Variants in KCNIP4 observed in about 807,000 individuals in gnomAD.
KCNIP4 encodes the protein potassium voltage-gated channel interacting protein 4, also known as Kv channel-interacting protein 4.
Under a neutral mutation model 34.0 loss-of-function variants are expected in KCNIP4, and 12 were observed. That is an observed-to-expected ratio of 0.35 (90% CI 0.23 to 0.57). The LOEUF (loss-of-function observed/expected upper bound fraction) is 0.57. KCNIP4 is among the 20% of genes least tolerant of loss of function. The pLI is 0.83. For synonymous variants in KCNIP4, 124 were observed against 102.2 expected, an observed-to-expected ratio of 1.21 and a Z score of -1.29; for missense variants, 238 against 311.7, an observed-to-expected ratio of 0.76 and a Z score of 1.78.
chr4:21,343,520 G>A (rs981079929), intron 1 of KCNIP4, among the ~76,000 whole-genome samples: 3 of 151,984 alleles, frequency 2.0e-5, no homozygotes, highest in Non-Finnish European at 2.9e-5. Context: ...CTATCATGTT[G>A]AGCCTGTTCT....
At chr4:21,663,051 G>A (rs1193476450) in intron 1 of KCNIP4, among the ~76,000 whole-genome samples, 1 of 152,160 alleles carries the variant, frequency 6.6e-6, no homozygotes, top group East Asian at 1.9e-4. Flanking sequence ...AGGCAAGTGG[G>A]AGAAGGTTAA....
intron 1 of KCNIP4, among the ~76,000 whole-genome samples, chr4:20,983,375 G>T (rs1736272588): frequency 6.6e-6 from 1 of 151,902 alleles, no homozygotes; most frequent in Admixed American, 6.6e-5. Flanking sequence ...AAACCACCCG[G>T]GTTCACCCCC....
intron 1 of KCNIP4, among the ~76,000 whole-genome samples, chr4:21,650,875 G>A (rs1046597108): frequency 2.6e-5 from 4 of 152,122 alleles, no homozygotes; most frequent in African/African-American, 4.8e-5. Context: ...CTTTGCAATT[G>A]TAAGACAAGA....
chr4:21,697,653 T>C, intron 1 of KCNIP4: 1 of 1,302,438 alleles, frequency 7.7e-7, no homozygotes, highest in Non-Finnish European at 9.6e-7. Context: ...AACAGGGAGG[T>C]GAGAAAACAC....
At chr4:21,147,961 G>GA (rs565186332) in intron 1 of KCNIP4, among the ~76,000 whole-genome samples, 1 of 86,704 alleles carries the variant, frequency 1.2e-5, no homozygotes, top group Non-Finnish European at 2.3e-5. Context: ...AAAAAAAAAA[G>GA]AAAAAAAGTT....
At chr4:21,229,167 T>C (rs1409260523) in intron 1 of KCNIP4, among the ~76,000 whole-genome samples, 2 of 152,178 alleles carry the variant, frequency 1.3e-5, no homozygotes, top group African/African-American at 2.4e-5. Flanking sequence ...ATCATCATCA[T>C]TTCCCAGTGC....
intron 1 of KCNIP4, among the ~76,000 whole-genome samples, chr4:21,630,628 C>T (rs1029068414): frequency 1.3e-5 from 2 of 152,088 alleles, no homozygotes; most frequent in African/African-American, 4.8e-5. Flanking sequence ...AGGCTTATTG[C>T]CATCAATTCC....
chr4:21,121,836 T>A (rs1230485991), intron 1 of KCNIP4, among the ~76,000 whole-genome samples: 1 of 152,214 alleles, frequency 6.6e-6, no homozygotes, highest in Non-Finnish European at 1.5e-5. Context: ...AAAAGCCTGA[T>A]TGTAAGTCCA....
At chr4:21,192,774 G>T (rs1054114949) in intron 1 of KCNIP4, among the ~76,000 whole-genome samples, 1 of 151,962 alleles carries the variant, frequency 6.6e-6, no homozygotes, top group African/African-American at 2.4e-5. Context: ...GAAAAATAAT[G>T]GCAGGCCTTG....
At chr4:21,472,234 G>T (rs1160008399) in intron 1 of KCNIP4, among the ~76,000 whole-genome samples, 1 of 152,138 alleles carries the variant, frequency 6.6e-6, no homozygotes, top group Admixed American at 6.6e-5. Flanking sequence ...CACATTTAGG[G>T]TGGAGCAGAT....
intron 1 of KCNIP4, among the ~76,000 whole-genome samples, chr4:21,314,468 T>C (rs1189151049): frequency 6.6e-6 from 1 of 152,238 alleles, no homozygotes; most frequent in Non-Finnish European, 1.5e-5. Flanking sequence ...TCGTGAGGAC[T>C]ATTCTAGAAT....
chr4:21,227,633 C>A (rs1375265441), intron 1 of KCNIP4, among the ~76,000 whole-genome samples: 1 of 151,986 alleles, frequency 6.6e-6, no homozygotes, highest in Non-Finnish European at 1.5e-5. Context: ...TGACTTCTGC[C>A]CAAGTGGTCA....
At chr4:20,767,558 T>A (rs1755523607) in intron 3 of KCNIP4, among the ~76,000 whole-genome samples, 1 of 152,186 alleles carries the variant, frequency 6.6e-6, no homozygotes, top group Non-Finnish European at 1.5e-5. Context: ...TAAGGAAACC[T>A]TTCAGCATTT....
chr4:21,370,880 C>G (rs1479925612), intron 1 of KCNIP4, among the ~76,000 whole-genome samples: 1 of 65,764 alleles, frequency 1.5e-5, no homozygotes, highest in African/African-American at 7.0e-5. Flanking sequence ...CACACACACA[C>G]ACGTGTGTGT....
At chr4:21,611,981 T>C (rs1577690936) in intron 1 of KCNIP4, among the ~76,000 whole-genome samples, 1 of 152,212 alleles carries the variant, frequency 6.6e-6, no homozygotes, top group East Asian at 1.9e-4. Context: ...ATTTAACTTT[T>C]TCTTAGTTAC....
chr4:21,124,571 G>A (rs1394148191), intron 1 of KCNIP4, among the ~76,000 whole-genome samples: 1 of 152,080 alleles, frequency 6.6e-6, no homozygotes, highest in African/African-American at 2.4e-5. Flanking sequence ...TAATGGAATG[G>A]ACTTAGTTTT....
chr4:21,000,960 C>A (rs912444630), intron 1 of KCNIP4, among the ~76,000 whole-genome samples: 2 of 152,152 alleles, frequency 1.3e-5, no homozygotes, highest in Non-Finnish European at 2.9e-5. Flanking sequence ...CCCTTTTATA[C>A]TTTTTAGCAA....
intron 1 of KCNIP4, among the ~76,000 whole-genome samples, chr4:21,116,640 A>T (rs925307315): frequency 1.3e-5 from 2 of 152,150 alleles, no homozygotes; most frequent in Non-Finnish European, 2.9e-5. Flanking sequence ...TATGGTTCCC[A>T]AGATTGGTTT....
chr4:21,663,481 T>C lies in KCNIP4; in HGVS notation c.61+285090A>G, dbSNP rs113770564. On this transcript the variant is annotated intron_variant, in intron 1 of 8. Coordinates refer to ENST00000382152, the MANE Select transcript of KCNIP4 (RefSeq NM_025221.6). ...AGATGCTCCCTGGCTGCTCAGAGCC[T>C]AGCTGTGACTAAGCCAAGGCTACTC... 1.8e-3 allele frequency among the ~76,000 whole-genome samples: 268 copies of C among 152,238 alleles called. 3 individuals are homozygous for C. The highest frequency in any genetic ancestry group is 6.1e-3 in the African/African-American group (255 of 41,550).
Sources: allele counts gnomAD v4.1 joint callset (sites outside exome capture counted in the v4.1 genomes callset), GRCh38; gene constraint gnomAD v4.1.1; transcripts MANE v1.5; gene names NCBI Gene and HGNC (gene_info 2026-07-23, HGNC 2026-07-21).